FNDC3B: variants seen among roughly 807,000 people sequenced by gnomAD.
FNDC3B encodes the protein fibronectin type III domain-containing protein 3B.
In FNDC3B, 12 loss-of-function variants were observed where a neutral mutation model predicts 151.5. The observed-to-expected ratio is 0.08, with a 90% CI of 0.05 to 0.13. The LOEUF is 0.13. Ranked by LOEUF, FNDC3B falls within the 10% of genes least tolerant of loss-of-function variation. The pLI is 1.00. For missense variants in FNDC3B, 1,214 were observed against 1,505.3 expected, an observed-to-expected ratio of 0.81 and a Z score of 3.20; for synonymous variants, 528 against 549.0, an observed-to-expected ratio of 0.96 and a Z score of 0.54.
chr3:172,198,601 C>T (rs1393419201), intron 3 of FNDC3B, among the ~76,000 whole-genome samples: 1 of 152,186 alleles, frequency 6.6e-6, no homozygotes, highest in Admixed American at 6.5e-5. Context: ...ACCCTAGGCT[C>T]TGATACCTGA....
At chr3:172,223,348 G>A (rs1726386447) in intron 3 of FNDC3B, among the ~76,000 whole-genome samples, 1 of 152,212 alleles carries the variant, frequency 6.6e-6, no homozygotes, top group Non-Finnish European at 1.5e-5. Flanking sequence ...AGGCAAGGTG[G>A]AGTTTTGGAA....
At chr3:172,306,180 T>C (rs904610497) in intron 9 of FNDC3B, among the ~76,000 whole-genome samples, 7 of 152,216 alleles carry the variant, frequency 4.6e-5, no homozygotes, top group Admixed American at 3.9e-4. Context: ...TCTTCCATAA[T>C]GTTGTTATCT....
intron 1 of FNDC3B, among the ~76,000 whole-genome samples, chr3:172,082,093 A>G (rs1261309506): frequency 6.6e-6 from 1 of 152,226 alleles, no homozygotes. Flanking sequence ...AGCCTATTAC[A>G]TTTATAAAAG....
chr3:172,259,502 C>T (rs1446659190), intron 6 of FNDC3B, among the ~76,000 whole-genome samples: 1 of 152,194 alleles, frequency 6.6e-6, no homozygotes, highest in East Asian at 1.9e-4. Context: ...GAGCATGCTG[C>T]TCATTAACAT....
chr3:172,364,689 C>G (rs6786014), intron 23 of FNDC3B, among the ~76,000 whole-genome samples: 146,441 of 152,324 alleles, frequency 0.96, 70,439 homozygotes, highest in East Asian at 1. Context: ...AAATGAGGTT[C>G]CTGGCATGAG....
intron 1 of FNDC3B, among the ~76,000 whole-genome samples, chr3:172,063,715 CAG>C (rs1231620808): frequency 6.6e-6 from 1 of 152,176 alleles, no homozygotes; most frequent in African/African-American, 2.4e-5. Flanking sequence ...GAGTCTCTAA[CAG>C]AGGAGCTGGG....
intron 3 of FNDC3B, among the ~76,000 whole-genome samples, chr3:172,204,205 CT>C (rs1373310087): frequency 6.6e-6 from 1 of 152,176 alleles, no homozygotes; most frequent in African/African-American, 2.4e-5. Context: ...TTCTTTCAGA[CT>C]TCAGCATTCA....
chr3:172,148,777 TCTG>T (rs1309880952), intron 3 of FNDC3B, among the ~76,000 whole-genome samples: 1 of 152,234 alleles, frequency 6.6e-6, no homozygotes, highest in Non-Finnish European at 1.5e-5. Context: ...GTGTCTGAGT[TCTG>T]CTCCTGTTCA....
chr3:172,134,731 ATTAT>A (rs763860789), intron 3 of FNDC3B, among the ~76,000 whole-genome samples: 13 of 152,140 alleles, frequency 8.5e-5, no homozygotes, highest in Admixed American at 3.3e-4. Flanking sequence ...TTAATATGAA[ATTAT>A]TTAATCACTT....
chr3:172,084,123 C>T (rs1036324033), intron 1 of FNDC3B, among the ~76,000 whole-genome samples: 16 of 152,012 alleles, frequency 1.1e-4, no homozygotes, highest in Admixed American at 1.0e-3. Context: ...CTACTTGTTA[C>T]TTCTGAAGGA....
At chr3:172,226,015 AATATG>A (rs1374243626) in intron 3 of FNDC3B, 1 of 152,186 alleles carries the variant, frequency 6.6e-6, no homozygotes, top group Non-Finnish European at 1.5e-5. Context: ...CTTATTTTAA[AATATG>A]ATCTAGACCT....
chr3:172,343,168 G>T, intron 18 of FNDC3B, 52 bp downstream of exon 18: 1 of 941,342 alleles, frequency 1.1e-6, no homozygotes, highest in Non-Finnish European at 1.7e-6. Context: ...AATTGGAGAT[G>T]AAGACTTATG....
chr3:172,091,447 T>G (rs1381302970), intron 1 of FNDC3B, among the ~76,000 whole-genome samples: 1 of 152,198 alleles, frequency 6.6e-6, no homozygotes, highest in Non-Finnish European at 1.5e-5. Context: ...AATTTGCAGA[T>G]GTATGAAAAA....
chr3:172,141,144 T>C (rs537677162), intron 3 of FNDC3B, among the ~76,000 whole-genome samples: 3 of 117,022 alleles, frequency 2.6e-5, no homozygotes, highest in Non-Finnish European at 5.2e-5. Context: ...TTACTGATTT[T>C]TCCCCCCCCT....
intron 25 of FNDC3B, among the ~76,000 whole-genome samples, chr3:172,386,022 C>G (rs142006047): frequency 6.6e-6 from 1 of 152,320 alleles, no homozygotes; most frequent in Non-Finnish European, 1.5e-5. Flanking sequence ...AATTATTAAA[C>G]AATCTATTAA....
At chr3:172,142,381 C>T (rs1444451212) in intron 3 of FNDC3B, among the ~76,000 whole-genome samples, 2 of 152,210 alleles carry the variant, frequency 1.3e-5, no homozygotes, top group African/African-American at 4.8e-5. Flanking sequence ...AACCCTTCTG[C>T]CCTTTAGGCT....
chr3:172,357,612 A>C (rs890302971), intron 22 of FNDC3B, among the ~76,000 whole-genome samples: 6 of 152,160 alleles, frequency 3.9e-5, no homozygotes, highest in African/African-American at 1.4e-4. Context: ...TTCACCCTAA[A>C]CCAAAACAAA....
chr3:172,163,272 T>C lies in FNDC3B; in HGVS notation c.187+29726T>C, dbSNP rs1455534413. ...GGCAACAGAGCAAGACTATATCTCATATAAGGAAAAAAAAAAATAGAATTA... is the reference window on the plus strand; with the variant it reads ...GGCAACAGAGCAAGACTATATCTCACATAAGGAAAAAAAAAAATAGAATTA... On this transcript the variant is annotated intron_variant, in intron 3 of 25. Transcript: ENST00000415807. 6.3e-5 allele frequency among the ~76,000 whole-genome samples: 9 copies of C among 142,788 alleles called. No individual in the cohort carries two copies. The Admixed American group carries it at 6.4e-4, about 10-fold the overall frequency. The allele number at this position is 142,788 out of a possible 152,430, so 93.7% of individuals were successfully genotyped here. A position where few individuals can be genotyped will look rare whatever the true frequency, so the allele number is the denominator to read the frequency against.
intron 6 of FNDC3B, among the ~76,000 whole-genome samples, chr3:172,271,475 T>C (rs1729196363): frequency 6.6e-6 from 1 of 151,610 alleles, no homozygotes; most frequent in African/African-American, 2.4e-5. Flanking sequence ...TTAATATTAC[T>C]CAGCACATTT....
Sources: gnomAD v4.1 joint callset for allele counts (sites outside exome capture counted in the v4.1 genomes callset) on GRCh38, gnomAD v4.1.1 for gene constraint, MANE v1.5 for transcripts, NCBI Gene and HGNC (gene_info 2026-07-23, HGNC 2026-07-21) for gene names.